Variants in EIF4E2 observed in about 807,000 individuals in gnomAD.
The protein encoded by EIF4E2 is eukaryotic translation initiation factor 4E family member 2.
A neutral mutation model predicts 34.2 loss-of-function variants in EIF4E2; 13 were observed. The ratio of observed to expected loss-of-function variants is 0.38; its 90% CI spans 0.25 to 0.60. The LOEUF is 0.60. EIF4E2 is among the 20% of genes least tolerant of loss of function. The pLI, the probability that EIF4E2 is intolerant of heterozygous loss-of-function variation, is 0.62. For missense variants in EIF4E2, 222 were observed against 315.1 expected (o/e 0.70, Z 2.24); for synonymous variants, 100 against 106.6 (o/e 0.94, Z 0.38).
chr2:232,553,657 G>A (rs1235810323), intron 1 of EIF4E2, among the ~76,000 whole-genome samples: 3 of 152,220 alleles, frequency 2.0e-5, no homozygotes, highest in Non-Finnish European at 2.9e-5. Flanking sequence ...TTGAAGCTGG[G>A]AAGAGTAGCT....
At chr2:232,573,757 G>GCC, downstream of EIF4E2, 11 of 279,832 alleles carry the variant, frequency 3.9e-5, no homozygotes, top group South Asian at 1.1e-4. Context: ...TTAGAAGGTC[G>GCC]GAAATATGAA....
chr2:232,564,170 C>G, intron 3 of EIF4E2, 77 bp from the exon 4 acceptor site: 2 of 966,590 alleles, frequency 2.1e-6, no homozygotes, highest in Non-Finnish European at 3.1e-6. Context: ...ATGTTCTTAA[C>G]TAAATCTCAA....
downstream of EIF4E2, among the ~76,000 whole-genome samples, chr2:232,571,194 A>G (rs953214109): frequency 2.0e-5 from 3 of 152,102 alleles, no homozygotes; most frequent in Non-Finnish European, 4.4e-5. Flanking sequence ...TCAGTGTGCT[A>G]CAAGGCACTG....
At chr2:232,553,421 AT>A (rs55815721) in intron 1 of EIF4E2, among the ~76,000 whole-genome samples, 116,468 of 151,912 alleles carry the variant, frequency 0.77, 45,173 homozygotes, top group Middle Eastern at 0.91. Context: ...TTAAACGGAG[AT>A]TTTTTTTTAT....
chr2:232,569,349 G>A, downstream of EIF4E2: 1 of 831,014 alleles, frequency 1.2e-6, no homozygotes, highest in Non-Finnish European at 1.6e-6. Flanking sequence ...TAAGCCCATT[G>A]TGTAGTGTCA....
At chr2:232,568,258 A>G (rs903129875) in intron 6 of EIF4E2, 7 of 985,308 alleles carry the variant, frequency 7.1e-6, no homozygotes, top group Admixed American at 6.1e-5. Flanking sequence ...TCTCTTTCCC[A>G]TGCATTCATA....
intron 6 of EIF4E2, among the ~76,000 whole-genome samples, chr2:232,578,731 C>A (rs1044569010): frequency 6.6e-6 from 1 of 152,126 alleles, no homozygotes; most frequent in African/African-American, 2.4e-5. Flanking sequence ...GAAATTCTTC[C>A]AAAAGATAAG....
intron 3 of EIF4E2, among the ~76,000 whole-genome samples, chr2:232,560,245 G>A (rs937653811): frequency 2.6e-5 from 4 of 152,096 alleles, no homozygotes; most frequent in East Asian, 1.9e-4. Context: ...GACAATAACC[G>A]GGGAAAGAAT....
At chr2:232,567,292 T>C (rs745565953) in intron 6 of EIF4E2, 78 bp downstream of exon 6, 1 of 1,588,090 alleles carries the variant, frequency 6.3e-7, no homozygotes. Context: ...CAGAGGAATA[T>C]GGCCGGACAG....
intron 6 of EIF4E2, among the ~76,000 whole-genome samples, chr2:232,579,158 A>ACACC (rs1481422366): frequency 2.1e-5 from 3 of 142,944 alleles, no homozygotes; most frequent in Non-Finnish European, 4.5e-5. Flanking sequence ...ACACACACAC[A>ACACC]CACACACACC....
At chr2:232,557,734 TA>T in intron 2 of EIF4E2, 149 bp from the exon 3 acceptor site, 1 of 878,084 alleles carries the variant, frequency 1.1e-6, no homozygotes, top group Non-Finnish European at 1.8e-6. Flanking sequence ...ATGTACTGTG[TA>T]AGCAGAATCT....
intron 6 of EIF4E2, chr2:232,567,702 G>A: frequency 1.0e-6 from 1 of 998,488 alleles, no homozygotes; most frequent in Non-Finnish European, 1.2e-6. Flanking sequence ...TTAGAAGAAG[G>A]GGGATAGTGT....
chr2:232,576,821 G>T (rs1693233173), intron 6 of EIF4E2, among the ~76,000 whole-genome samples: 1 of 152,142 alleles, frequency 6.6e-6, no homozygotes, highest in Admixed American at 6.6e-5. Flanking sequence ...TAACATTTTA[G>T]CCCTCTCTCC....
chr2:232,558,168 C>G, intron 3 of EIF4E2, 150 bp downstream of exon 3: 1 of 1,003,898 alleles, frequency 1.0e-6, no homozygotes, highest in Non-Finnish European at 1.4e-6. Context: ...TTTGTTCATT[C>G]TTAGGTTTCT....
chr2:232,554,434 G>A lies in EIF4E2; in HGVS notation c.21-1982G>A, dbSNP rs763773892. ...GGCCTTTGCACCATGCTGAGGCGTG[G>A]GTATATCTGTGTACCTTTTCTCCTC... On this transcript the variant is annotated intron_variant, in intron 1 of 6. Coordinates refer to ENST00000258416, the MANE Select transcript of EIF4E2 (RefSeq NM_004846.4). Among the ~76,000 whole-genome samples, 8 of 152,228 alleles carry A rather than the reference G, an allele frequency of 5.3e-5. No individual in the cohort carries two copies. In the East Asian group the frequency reaches 5.8e-4, roughly 11 times the overall value.
chr2:232,564,714 A>G (rs1729256), intron 4 of EIF4E2, among the ~76,000 whole-genome samples: 118,650 of 152,212 alleles, frequency 0.78, 46,968 homozygotes, highest in Middle Eastern at 0.91. Context: ...GACTCCCAAA[A>G]TGCTGGGATT....
chr2:232,574,826 G>A (rs1021222374), intron 6 of EIF4E2, among the ~76,000 whole-genome samples: 3 of 152,200 alleles, frequency 2.0e-5, no homozygotes, highest in Non-Finnish European at 4.4e-5. Context: ...TCAGTAACGG[G>A]GCTGGATTTC....
intron 3 of EIF4E2, among the ~76,000 whole-genome samples, chr2:232,562,843 A>G (rs1354506029): frequency 6.6e-6 from 1 of 152,220 alleles, no homozygotes; most frequent in Non-Finnish European, 1.5e-5. Flanking sequence ...ATGACCATTT[A>G]CTATTCCGAG....
chr2:232,555,726 C>T (rs937270306), intron 1 of EIF4E2, among the ~76,000 whole-genome samples: 2 of 152,104 alleles, frequency 1.3e-5, no homozygotes, highest in East Asian at 1.9e-4. Flanking sequence ...GGCACCGATA[C>T]GGCAACATAG....
Sources: gnomAD v4.1 joint callset for allele counts (sites outside exome capture counted in the v4.1 genomes callset) on GRCh38, gnomAD v4.1.1 for gene constraint, MANE v1.5 for transcripts, NCBI Gene and HGNC (gene_info 2026-07-23, HGNC 2026-07-21) for gene names.